Variants in ABLIM2 observed in about 807,000 individuals in gnomAD.
ABLIM2 encodes actin-binding LIM protein 2.
A neutral mutation model predicts 97.7 loss-of-function variants in ABLIM2; 53 were observed. The ratio of observed to expected loss-of-function variants is 0.54; its 90% CI spans 0.44 to 0.68. The LOEUF is 0.68. ABLIM2 is among the 30% of genes least tolerant of loss of function. ABLIM2 has a pLI of 0.00. For synonymous variants in ABLIM2, 361 were observed against 345.8 expected, an observed-to-expected ratio of 1.04 and a Z score of -0.49; for missense variants, 835 against 867.2, an observed-to-expected ratio of 0.96 and a Z score of 0.47.
intron 1 of ABLIM2, among the ~76,000 whole-genome samples, chr4:8,133,168 T>A (rs945839021): frequency 3.3e-5 from 5 of 152,114 alleles, no homozygotes; most frequent in African/African-American, 9.7e-5. Context: ...CCTGCGTGAG[T>A]TCACATCACC....
intron 1 of ABLIM2, among the ~76,000 whole-genome samples, chr4:8,144,560 A>G (rs1578508447): frequency 7.0e-6 from 1 of 143,226 alleles, no homozygotes; most frequent in Non-Finnish European, 1.5e-5. Context: ...GGAGGGAGGG[A>G]GGGCGCCATT....
chr4:8,151,742 C>A (rs920310748), intron 1 of ABLIM2, among the ~76,000 whole-genome samples: 1 of 151,694 alleles, frequency 6.6e-6, no homozygotes, highest in Non-Finnish European at 1.5e-5. Flanking sequence ...TGTCCAAGGT[C>A]ACAGAGGTCC....
intron 2 of ABLIM2, among the ~76,000 whole-genome samples, chr4:8,098,392 T>C (rs971360887): frequency 6.6e-6 from 1 of 152,260 alleles, no homozygotes; most frequent in African/African-American, 2.4e-5. Context: ...ATTGTGAATA[T>C]GGGCACCTTT....
rs1036126924 is a variant in ABLIM2, at chr4:8,127,108, C to T, written c.11-20471G>A. Among the ~76,000 whole-genome samples, 3 of 151,408 alleles carry T rather than the reference C, an allele frequency of 2.0e-5. No homozygotes were observed. Among genetic ancestry groups the T allele is most frequent in the Non-Finnish European group, 2.9e-5 (2 of 67,930 alleles). On this transcript the variant is annotated intron_variant, in intron 1 of 20. Coordinates refer to ENST00000447017, the MANE Select transcript of ABLIM2 (RefSeq NM_001130083.2). This position sits in a 1 kb window ranked among gnomAD's most constrained non-coding sequence, Gnocchi z 7.3. ...AATGCCTGCAGACATTGCCACATGT[C>T]CCCCTGGGAGCACAGGAGCACAGCT...
At position 8,041,695 on chromosome 4, in the gene ABLIM2, G is replaced by A. The variant is rs147187745; in HGVS notation, c.900+3469C>T. ...AGGTGGGTGGATCACCAGGTTAGGA[G>A]ATTGAGACCATCCTGGCTAACACGG... On this transcript the variant is annotated intron_variant, in intron 9 of 20. Transcript: ENST00000447017. Among the ~76,000 whole-genome samples the A allele has an allele frequency of 1.1e-4, 17 of 152,170 alleles. No individual in the cohort carries two copies. In the East Asian group the frequency reaches 3.3e-3, roughly 30 times the overall value.
In ABLIM2 at chr4:7,971,202, C is replaced by A. The variant is rs147912312; in HGVS notation, c.1825-4099G>T. Among the ~76,000 whole-genome samples the A allele has an allele frequency of 4.3e-3, 649 of 152,292 alleles. 1 individual carries two copies. Among genetic ancestry groups the A allele is most frequent in the African/African-American group, 0.012 (494 of 41,564 alleles). On this transcript the variant is annotated intron_variant, in intron 20 of 20. Coordinates refer to ENST00000447017, the MANE Select transcript of ABLIM2 (RefSeq NM_001130083.2). Reference sequence around the variant, plus strand: ...AATCTCACTCAGGGCCAGAGGCAGGCAGGCTTTCTCCATGGGTCTGCCAGG... The same window carrying A: ...AATCTCACTCAGGGCCAGAGGCAGGAAGGCTTTCTCCATGGGTCTGCCAGG...
Position 8,106,481 on chromosome 4 carries a change from G to A in ABLIM2, c.154+13C>T, listed in dbSNP as rs770938177. ...TTCAGGGGCCACACTGCAGGGGACC[G>A]GGGGACACTCACCTTTACAGACGAA... is the stretch of plus-strand genomic sequence containing the variant. On this transcript the variant is annotated intron_variant, in intron 2 of 20. Transcript: ENST00000447017. The A allele has an allele frequency of 2.5e-5, 39 of 1,586,774 alleles. No individual in the cohort carries two copies. The highest frequency in any genetic ancestry group is 3.5e-5 in the South Asian group (3 of 86,752).
At position 8,113,649 on chromosome 4, in the gene ABLIM2, C is replaced by G. The variant is rs1257047782; in HGVS notation, c.11-7012G>C. ...TTGGGGTCCACCCATGGCAGGGGTT[C>G]TCATCGGAGGCCCGCTCCATCCGCC... On this transcript the variant is annotated intron_variant, in intron 1 of 20. Coordinates refer to ENST00000447017, the MANE Select transcript of ABLIM2 (RefSeq NM_001130083.2). The surrounding 1 kb of genome is among the most constrained non-coding windows in gnomAD (Gnocchi z 4.5). Among the ~76,000 whole-genome samples, 2 of 152,218 alleles carry G rather than the reference C, an allele frequency of 1.3e-5. No homozygotes were observed. The highest frequency in any genetic ancestry group is 2.9e-5 in the Non-Finnish European group (2 of 68,048).
intron 4 of ABLIM2, among the ~76,000 whole-genome samples, chr4:8,081,195 C>T (rs901541645): frequency 1.9e-4 from 29 of 152,126 alleles, no homozygotes; most frequent in African/African-American, 7.0e-4. Context: ...GCCGAGCCAG[C>T]CCCCAGCCCC....
intron 6 of ABLIM2, among the ~76,000 whole-genome samples, chr4:8,070,276 A>G (rs1209878025): frequency 8.1e-6 from 1 of 123,340 alleles, no homozygotes; most frequent in East Asian, 2.2e-4. Context: ...TGGGTTGTGC[A>G]TGTGTGTGTA....
chr4:8,033,497 T>C lies in ABLIM2; in HGVS notation c.1047+2652A>G, dbSNP rs1359544134. ...CCGGCCATCGGCATAGAGGAAGCTC[T>C]GTATGGACACACCTGACCCAGGAGC... On this transcript the variant is annotated intron_variant, in intron 10 of 20. Coordinates refer to ENST00000447017, the MANE Select transcript of ABLIM2 (RefSeq NM_001130083.2). This position sits in a 1 kb window ranked among gnomAD's most constrained non-coding sequence, Gnocchi z 4.5. Among the ~76,000 whole-genome samples the C allele has an allele frequency of 6.6e-6, 1 of 152,194 alleles. No homozygotes were observed. Among genetic ancestry groups the C allele is most frequent in the Non-Finnish European group, 1.5e-5 (1 of 68,022 alleles).
intron 1 of ABLIM2, among the ~76,000 whole-genome samples, chr4:8,107,835 C>A (rs1236227195): frequency 6.6e-6 from 1 of 152,138 alleles, no homozygotes; most frequent in Non-Finnish European, 1.5e-5. Flanking sequence ...AACATCATCA[C>A]GGGGGCCTTA....
intron 8 of ABLIM2, 116 bp from the exon 9 acceptor site, chr4:8,045,357 A>C: frequency 1.0e-6 from 1 of 1,004,622 alleles, no homozygotes. Context: ...TGTTTCTTTA[A>C]AGTTGGGGCT....
At chr4:8,110,988 G>A (rs1840049060) in intron 1 of ABLIM2, among the ~76,000 whole-genome samples, 1 of 152,234 alleles carries the variant, frequency 6.6e-6, no homozygotes, top group African/African-American at 2.4e-5. Flanking sequence ...ACGGCTAGGG[G>A]GGCAACAGCC....
At chr4:8,106,661 G>C (rs1259546632) in intron 1 of ABLIM2, 24 bp from the exon 2 acceptor site, 1 of 1,584,134 alleles carries the variant, frequency 6.3e-7, no homozygotes, top group East Asian at 2.2e-5. Flanking sequence ...GAGAAGAGCA[G>C]CGTTCAAGGG....
intron 1 of ABLIM2, among the ~76,000 whole-genome samples, chr4:8,139,276 G>C (rs1338360053): frequency 6.7e-6 from 1 of 150,362 alleles, no homozygotes; most frequent in Non-Finnish European, 1.5e-5. Flanking sequence ...GGGAAGGGAA[G>C]GGAGAAAAAA....
chr4:8,062,062 C>T (rs1423805902), intron 6 of ABLIM2, among the ~76,000 whole-genome samples: 1 of 151,748 alleles, frequency 6.6e-6, no homozygotes, highest in East Asian at 1.9e-4. Flanking sequence ...AGGGGCTCTT[C>T]CCGCAGGGCC....
rs1712041356 is a variant in ABLIM2, at chr4:8,149,920, C to T, written c.10+8760G>A. ...CCCAGTGGGACTGAGTCCCCACTTG[C>T]CAGAGTGGTGGCCCCCATCCAAATG... On this transcript the variant is annotated intron_variant, in intron 1 of 20. Transcript: ENST00000447017. This position sits in a 1 kb window ranked among gnomAD's most constrained non-coding sequence, Gnocchi z 6.4. 6.6e-6 allele frequency among the ~76,000 whole-genome samples: 1 copy of T among 152,074 alleles called. No individual in the cohort carries two copies.
At chr4:8,154,671 C>T (rs1424873565) in intron 1 of ABLIM2, among the ~76,000 whole-genome samples, 1 of 152,214 alleles carries the variant, frequency 6.6e-6, no homozygotes, top group Middle Eastern at 3.2e-3. Context: ...ACTTCATATA[C>T]ATCTTCCCCA....
Sources: gnomAD v4.1 joint callset for allele counts (sites outside exome capture counted in the v4.1 genomes callset) on GRCh38, gnomAD v4.1.1 for gene constraint, Gnocchi (gnomAD v3.1) non-coding constraint, MANE v1.5 for transcripts, NCBI Gene and HGNC (gene_info 2026-07-23, HGNC 2026-07-21) for gene names.